SNAPC4: variants seen among roughly 807,000 people sequenced by gnomAD.
The protein encoded by SNAPC4 is snRNA-activating protein complex subunit 4.
A neutral mutation model predicts 151.3 loss-of-function variants in SNAPC4; 127 were observed. That is an observed-to-expected ratio of 0.84 (90% CI 0.73 to 0.97). SNAPC4 has a LOEUF of 0.97. Ranked by LOEUF, SNAPC4 falls within the 50% of genes least tolerant of loss-of-function variation. The pLI, the probability that SNAPC4 is intolerant of heterozygous loss-of-function variation, is 0.00. For synonymous variants in SNAPC4, 1,002 were observed against 824.4 expected, an observed-to-expected ratio of 1.22 and a Z score of -3.69; for missense variants, 2,186 against 1,935.0, an observed-to-expected ratio of 1.13 and a Z score of -2.43.
At chr9:136,382,122 G>A (rs756339629) in intron 17 of SNAPC4, 49 bp from the exon 18 acceptor site, 81 of 1,561,980 alleles carry the variant, frequency 5.2e-5, no homozygotes, top group South Asian at 4.1e-4. Context: ...CTCGGCCCCC[G>A]GAGTGGACCC....
chr9:136,387,406 C>A, intron 13 of SNAPC4, 79 bp downstream of exon 13: 1 of 1,050,146 alleles, frequency 9.5e-7, no homozygotes, highest in Non-Finnish European at 1.5e-6. Flanking sequence ...GTCCCCCAGC[C>A]CGCCCACAGC....
rs1833423138 is a variant in SNAPC4, at chr9:136,375,753, G to A, written c.*55C>T. 6.6e-6 allele frequency: 1 copy of A among 152,188 alleles called. No individual in the cohort carries two copies. 9.4% of individuals were successfully genotyped at this position (152,188 alleles called of 1,614,324 possible). On this transcript the variant is annotated 3_prime_UTR_variant, in exon 24 of 24. Transcript: ENST00000684778. ...CTGCCTCTCTTGCAGGCTGGGGGTG[G>A]GCTGTCTCTCGTCAGCAGGGCCACG...
At position 136,387,505 on chromosome 9, in the gene SNAPC4, G is replaced by A. The variant is rs756653118; in HGVS notation, c.1305C>T (p.Ser435=). Residue 435 remains serine, a synonymous_variant, in exon 13 of 24, where the codon AGC becomes AGT. Transcript: ENST00000684778. ...CTCACCGATCTCGGCACTGGGCATC[G>A]CTCCTACCTGGCACCTCTTCCCGGA... The part of the protein sequence containing the change: ...FKIREEVPGR[S]DAQCRDRYLR... 4.3e-6 allele frequency: 7 copies of A among 1,613,192 alleles called. No individual in the cohort carries two copies. The East Asian group carries it at 8.9e-5, about 21-fold the overall frequency.
chr9:136,392,465 G>A (rs1448923399), intron 9 of SNAPC4, 57 bp downstream of exon 9: 18 of 1,549,958 alleles, frequency 1.2e-5, no homozygotes, highest in East Asian at 2.2e-5. Context: ...AACTGCACCC[G>A]GGCTACAGGG....
In SNAPC4 at chr9:136,386,496, G is replaced by A. The variant is rs573353988; in HGVS notation, c.1325+989C>T. ...GTCGCCCAGGCTAGAGTGCAATGGCGTGATCTCGGCTCACTGCATCCTCCG... is the reference window on the plus strand; with the variant it reads ...GTCGCCCAGGCTAGAGTGCAATGGCATGATCTCGGCTCACTGCATCCTCCG... On this transcript the variant is annotated intron_variant, in intron 13 of 23. Coordinates refer to ENST00000684778, the MANE Select transcript of SNAPC4 (RefSeq NM_003086.4). 2.7e-4 allele frequency among the ~76,000 whole-genome samples: 40 copies of A among 149,366 alleles called. No individual in the cohort carries two copies. The South Asian group carries it at 7.4e-3, about 28-fold the overall frequency.
intron 7 of SNAPC4, 52 bp downstream of exon 7, chr9:136,394,197 G>C: frequency 7.0e-7 from 1 of 1,421,806 alleles, no homozygotes; most frequent in Admixed American, 1.7e-5. Flanking sequence ...TTCCAGGCAT[G>C]AGCCCTATGC....
intron 1 of SNAPC4, chr9:136,398,640 T>C (rs983319575): frequency 1.8e-6 from 1 of 546,772 alleles, no homozygotes; most frequent in Non-Finnish European, 3.3e-6. Context: ...TCCTGCTATG[T>C]GCTCTGCCAG....
At position 136,379,094 on chromosome 9, in the gene SNAPC4, G is replaced by C; in HGVS notation, c.2733C>G (p.Thr911=). ...RLQEARAREA[T]RGPVVLPSQL... is the part of the protein sequence containing the mutation. ...GGGACGGGAGCACCACCGGGCCCCG[G>C]GTGGCCTCCCTGGCACGGGCCTCCT... The change falls in exon 22 of 24, where the codon ACC becomes ACG. Residue 911 remains threonine (T), a synonymous_variant. Coordinates refer to ENST00000684778, the MANE Select transcript of SNAPC4 (RefSeq NM_003086.4). 1 of 1,564,454 alleles carries C rather than the reference G, an allele frequency of 6.4e-7. No homozygotes were observed. The highest frequency in any genetic ancestry group is 8.7e-7 in the Non-Finnish European group (1 of 1,155,302).
chr9:136,394,880 T>A lies in SNAPC4; in HGVS notation c.472-2A>T. 2 of 1,613,290 alleles carry A rather than the reference T, an allele frequency of 1.2e-6. No individual in the cohort carries two copies. The highest frequency in any genetic ancestry group is 1.7e-6 in the Non-Finnish European group (2 of 1,179,612). ...TGTGTCCTCGTTGGCAGGTGGCCCC[T>A]GTCAGGGTGCACGGCATCACCACAA... is the stretch of plus-strand genomic sequence containing the variant. On this transcript the variant is annotated splice_acceptor_variant, in intron 5 of 23. Coordinates refer to ENST00000684778, the MANE Select transcript of SNAPC4 (RefSeq NM_003086.4). LOFTEE classifies it high-confidence loss of function.
chr9:136,396,828 A>G, intron 3 of SNAPC4, 149 bp downstream of exon 3: 2 of 724,360 alleles, frequency 2.8e-6, no homozygotes, highest in South Asian at 1.6e-5. Context: ...TCAATGACAA[A>G]TGCTTTTTAA....
intron 4 of SNAPC4, 77 bp from the exon 5 acceptor site, chr9:136,395,500 A>G (rs1335142915): frequency 6.4e-7 from 1 of 1,570,538 alleles, no homozygotes; most frequent in Admixed American, 1.8e-5. Context: ...CCCGGGGCAG[A>G]GGAGAGGCAG....
In SNAPC4 at chr9:136,384,698, GAACA is replaced by G; in HGVS notation, c.1420+18_1420+21del. The G allele has an allele frequency of 8.4e-7, 1 of 1,193,444 alleles. No homozygotes were observed. 73.9% of individuals were successfully genotyped at this position (1,193,444 alleles called of 1,614,324 possible). ...AAAAAACAAAAAAAAGAAACTAGAA[GAACA>G]AACTGTCAGCAACTTACCGACACCA... On this transcript the variant is annotated intron_variant, in intron 14 of 23. Coordinates refer to ENST00000684778, the MANE Select transcript of SNAPC4 (RefSeq NM_003086.4).
At chr9:136,399,491 C>T (rs1423696928) in intron 1 of SNAPC4, among the ~76,000 whole-genome samples, 1 of 152,218 alleles carries the variant, frequency 6.6e-6, no homozygotes. Context: ...GAGGCTGCTG[C>T]CTCCCCCTCC....
chr9:136,386,181 C>T (rs550336053), intron 13 of SNAPC4, among the ~76,000 whole-genome samples: 5 of 151,354 alleles, frequency 3.3e-5, no homozygotes, highest in Admixed American at 6.6e-5. Context: ...CATCCCAACG[C>T]GTGTGTGGTT....
At chr9:136,376,532 A>G in intron 22 of SNAPC4, 51 bp from the exon 23 acceptor site, 1 of 1,603,988 alleles carries the variant, frequency 6.2e-7, no homozygotes, top group Non-Finnish European at 8.5e-7. Flanking sequence ...CCGAGCCATG[A>G]TGGACGGGGA....
At chr9:136,384,080 C>G in intron 14 of SNAPC4, 48 bp from the exon 15 acceptor site, 1 of 1,530,508 alleles carries the variant, frequency 6.5e-7, no homozygotes, top group East Asian at 2.3e-5. Flanking sequence ...AAGATTCTTC[C>G]CCAGGACAGG....
Position 136,378,153 on chromosome 9 carries a change from G to C in SNAPC4, c.3674C>G (p.Pro1225Arg). ...ATEPRGTPGSPSGTQEPRGPL... is the reference protein window; with the variant it reads ...ATEPRGTPGSRSGTQEPRGPL... Reference sequence around the variant, plus strand: ...CCCCCTGGGCTCCTGTGTCCCTGAGGGGGACCCCGGCGTCCCCCTTGGCTC... The same window carrying C: ...CCCCCTGGGCTCCTGTGTCCCTGAGCGGGACCCCGGCGTCCCCCTTGGCTC... Residue 1225 changes from proline (P) to arginine (R), a missense_variant, in exon 22 of 24, where the codon CCC becomes CGC. Transcript: ENST00000684778. 3 of 1,610,518 alleles carry C rather than the reference G, an allele frequency of 1.9e-6. No individual in the cohort carries two copies. Among genetic ancestry groups the C allele is most frequent in the Non-Finnish European group, 2.5e-6 (3 of 1,179,292 alleles).
chr9:136,378,126 G>C lies in SNAPC4; in HGVS notation c.3701C>G (p.Pro1234Arg), dbSNP rs762863787. The C allele has an allele frequency of 6.2e-7, 1 of 1,604,090 alleles. No individual in the cohort carries two copies. The highest frequency in any genetic ancestry group is 2.3e-5 in the East Asian group (1 of 44,420). Residue 1234 changes from proline to arginine, a missense_variant, in exon 22 of 24, where the codon CCT becomes CGT. Transcript: ENST00000684778. ...CAGGGGCAGCTTCTCCAGGCCCAGA[G>C]GCCCCCTGGGCTCCTGTGTCCCTGA... ...SPSGTQEPRG[P>R]LGLEKLPLRQ...
At chr9:136,381,178 G>C in intron 19 of SNAPC4, 144 bp downstream of exon 19, 2 of 726,160 alleles carry the variant, frequency 2.8e-6, no homozygotes, top group Non-Finnish European at 5.0e-6. Context: ...CTTGCTAACA[G>C]TGTAAGGCAT....
Sources: gnomAD v4.1 joint callset for allele counts (sites outside exome capture counted in the v4.1 genomes callset) on GRCh38, gnomAD v4.1.1 for gene constraint, MANE v1.5 for transcripts, NCBI Gene and HGNC (gene_info 2026-07-23, HGNC 2026-07-21) for gene names.